The following GCNT2 variants were observed in gnomAD, a reference collection of about 807,000 sequenced individuals.
The protein encoded by GCNT2 is glucosaminyl (N-acetyl) transferase 2 (I blood group).
Under a neutral mutation model 34.2 loss-of-function variants are expected in GCNT2, and 34 were observed. The observed-to-expected ratio is 1.00, with a 90% CI of 0.76 to 1.32. GCNT2 has a LOEUF of 1.32. Ranked by LOEUF, GCNT2 falls within the 40% of genes most tolerant of loss-of-function variation. GCNT2 has a pLI of 0.00. For synonymous variants in GCNT2, 212 were observed against 188.0 expected, an observed-to-expected ratio of 1.13 and a Z score of -1.04; for missense variants, 584 against 489.4, an observed-to-expected ratio of 1.19 and a Z score of -1.82.
chr6:10,606,553 C>A (rs1242243951), intron 3 of GCNT2, among the ~76,000 whole-genome samples: 1 of 73,658 alleles, frequency 1.4e-5, no homozygotes, highest in East Asian at 3.0e-4. Flanking sequence ...TTATTGGGAT[C>A]TCTTTTAAAA....
intron 3 of GCNT2, among the ~76,000 whole-genome samples, chr6:10,605,372 C>CT (rs77371971): frequency 1.2e-3 from 167 of 142,788 alleles, no homozygotes; most frequent in East Asian, 6.3e-3. Context: ...CCACGCCTGG[C>CT]TTTTTTTTTT....
rs772596132 is a variant in GCNT2 at position 10,529,254 on chromosome 6, A to G, written c.343A>G (p.Arg115Gly). 9 of 1,614,048 alleles carry G rather than the reference A, an allele frequency of 5.6e-6. No homozygotes were observed. The highest frequency in any genetic ancestry group is 5.0e-5 in the Admixed American group (3 of 59,994). Residue 115 changes from arginine to glycine, a missense_variant, in exon 3 of 5, where the codon AGG (arginine) becomes GGG (glycine). By Grantham distance (125) the Arg-to-Gly change is moderately radical. Coordinates refer to ENST00000495262, the MANE Select transcript of GCNT2 (RefSeq NM_145649.5). ...KDFGTFERLF[R>G]AIYMPQNVYC... is the part of the protein sequence containing the mutation. ...CTTCGGCACTTTTGAGAGGCTCTTC[A>G]GGGCGATTTATATGCCCCAAAATGT... is the stretch of plus-strand genomic sequence containing the variant.
intron 3 of GCNT2, chr6:10,586,897 CACTT>C (rs747319882): frequency 1.2e-6 from 2 of 1,612,734 alleles, no homozygotes; most frequent in Admixed American, 3.3e-5. Context: ...TTCTGGGTGA[CACTT>C]AATAGGGTTT....
rs976500076 is a variant in GCNT2, at chr6:10,582,398, TAATA to T, written c.926-38948_926-38945del. On this transcript the variant is annotated intron_variant, in intron 3 of 4. Coordinates refer to ENST00000495262, the MANE Select transcript of GCNT2 (RefSeq NM_145649.5). ...ATAATTTAATATTTATTATATACTA[TAATA>T]AATAGTATAATATTTATTATATACT... Among the ~76,000 whole-genome samples the T allele has an allele frequency of 1.8e-4, 22 of 123,168 alleles. 1 individual carries two copies. Among genetic ancestry groups the T allele is most frequent in the Admixed American group, 5.7e-4 (6 of 10,436 alleles). 80.8% of individuals were successfully genotyped at this position (123,168 alleles called of 152,430 possible).
chr6:10,548,629 T>A (rs758846089), intron 3 of GCNT2, among the ~76,000 whole-genome samples: 1 of 152,258 alleles, frequency 6.6e-6, no homozygotes, highest in Non-Finnish European at 1.5e-5. Context: ...AGTGGAAATA[T>A]ACAGCATATG....
chr6:10,574,737 T>TA, intron 3 of GCNT2: 3 of 529,816 alleles, frequency 5.7e-6, no homozygotes, highest in South Asian at 3.4e-5. Flanking sequence ...TATTTTTTTT[T>TA]AACACCTATG....
At chr6:10,611,914 C>T (rs1765575891) in intron 3 of GCNT2, among the ~76,000 whole-genome samples, 1 of 151,888 alleles carries the variant, frequency 6.6e-6, no homozygotes, top group Non-Finnish European at 1.5e-5. Flanking sequence ...TCACATTTCA[C>T]ATGCAAATAT....
At chr6:10,537,207 A>T (rs1761802033) in intron 3 of GCNT2, among the ~76,000 whole-genome samples, 1 of 152,218 alleles carries the variant, frequency 6.6e-6, no homozygotes, top group South Asian at 2.1e-4. Context: ...TTTAATCTGC[A>T]AGTGATCTTA....
At chr6:10,527,853 A>C (rs1234807384) in intron 2 of GCNT2, among the ~76,000 whole-genome samples, 193 bp downstream of exon 2, 2 of 151,976 alleles carry the variant, frequency 1.3e-5, no homozygotes, top group African/African-American at 2.4e-5. Context: ...TGGTGGTAAA[A>C]TTATTCTCAT....
intron 3 of GCNT2, among the ~76,000 whole-genome samples, chr6:10,564,381 G>C (rs998583738): frequency 1.3e-5 from 2 of 152,184 alleles, no homozygotes; most frequent in Admixed American, 1.3e-4. Context: ...ACCATTCTCT[G>C]TTAGCTCAGA....
Position 10,556,225 on chromosome 6 carries a change from G to A in GCNT2, c.925+26389G>A. The A allele has an allele frequency of 7.6e-6, 11 of 1,440,364 alleles. No individual in the cohort carries two copies. In the South Asian group the frequency reaches 1.6e-4, roughly 21 times the overall value. 89.2% of individuals were successfully genotyped at this position (1,440,364 alleles called of 1,614,324 possible). A position where few individuals can be genotyped will look rare whatever the true frequency, so the allele number is the denominator to read the frequency against. On this transcript the variant is annotated intron_variant, in intron 3 of 4. Transcript: ENST00000495262. Reference sequence around the variant, plus strand: ...AAACAAAGGAGGTTTGAGAGAGGCGGGATCTGGCTGTAATATCGGCACAGG... The same window carrying A: ...AAACAAAGGAGGTTTGAGAGAGGCGAGATCTGGCTGTAATATCGGCACAGG...
intron 3 of GCNT2, among the ~76,000 whole-genome samples, chr6:10,534,241 A>G (rs962336071): frequency 1.3e-5 from 2 of 150,380 alleles, no homozygotes; most frequent in Admixed American, 6.7e-5. Flanking sequence ...TCCTGGGTTC[A>G]AGCAATTCTC....
intron 3 of GCNT2, among the ~76,000 whole-genome samples, chr6:10,582,221 ATTATATATAT>A: frequency 9.1e-6 from 1 of 109,490 alleles, no homozygotes; most frequent in South Asian, 2.4e-4. Flanking sequence ...TATATATATA[ATTATATATAT>A]TTAAATATAT....
At chr6:10,597,996 T>A (rs1177903066) in intron 3 of GCNT2, among the ~76,000 whole-genome samples, 1 of 152,196 alleles carries the variant, frequency 6.6e-6, no homozygotes, top group Non-Finnish European at 1.5e-5. Flanking sequence ...ACAATTCTGT[T>A]CTAAATTTTA....
At chr6:10,546,298 C>T (rs1417969714) in intron 3 of GCNT2, among the ~76,000 whole-genome samples, 1 of 152,092 alleles carries the variant, frequency 6.6e-6, no homozygotes, top group African/African-American at 2.4e-5. Flanking sequence ...GCGGTTAGGC[C>T]CACTGAACCC....
At chr6:10,619,357 A>C (rs992066962) in intron 3 of GCNT2, 1 of 151,916 alleles carries the variant, frequency 6.6e-6, no homozygotes, top group Non-Finnish European at 1.5e-5. Context: ...AATTTAAAAA[A>C]AAAAATTGTG....
In GCNT2 at chr6:10,529,354, C is replaced by T; in HGVS notation, c.443C>T (p.Pro148Leu). 6.2e-7 allele frequency: 1 copy of T among 1,614,048 alleles called. No individual in the cohort carries two copies. The highest frequency in any genetic ancestry group is 8.5e-7 in the Non-Finnish European group (1 of 1,179,988). Residue 148 changes from proline (P) to leucine (L), a missense_variant, in exon 3 of 5, where the codon CCA becomes CTA. Coordinates refer to ENST00000495262, the MANE Select transcript of GCNT2 (RefSeq NM_145649.5). Reference sequence around the variant, plus strand: ...GTGAAACAGTTACTCAGCTGCTTCCCAAATGCTTTTCTGGCTTCCAAGAAG... The same window carrying T: ...GTGAAACAGTTACTCAGCTGCTTCCTAAATGCTTTTCTGGCTTCCAAGAAG... ...GAVKQLLSCFPNAFLASKKES... is the reference protein window; with the variant it reads ...GAVKQLLSCFLNAFLASKKES...
intron 3 of GCNT2, among the ~76,000 whole-genome samples, chr6:10,576,942 A>G (rs1763846263): frequency 1.3e-5 from 2 of 152,016 alleles, no homozygotes; most frequent in Non-Finnish European, 2.9e-5. Context: ...TAATAATAAA[A>G]TTAGCCAAGT....
At chr6:10,550,493 T>A (rs919726079) in intron 3 of GCNT2, among the ~76,000 whole-genome samples, 4 of 151,794 alleles carry the variant, frequency 2.6e-5, no homozygotes, top group Non-Finnish European at 4.4e-5. Context: ...AAATGCAAAT[T>A]ATTATTATTA....
Sources: allele counts gnomAD v4.1 joint callset (sites outside exome capture counted in the v4.1 genomes callset), GRCh38; gene constraint gnomAD v4.1.1; transcripts MANE v1.5; gene names NCBI Gene and HGNC (gene_info 2026-07-23, HGNC 2026-07-21).